The following DDRGK1 variants were observed in gnomAD, a reference collection of about 807,000 sequenced individuals.
DDRGK1 encodes the protein DDRGK domain-containing protein 1.
In DDRGK1, 38 loss-of-function variants were observed where a neutral mutation model predicts 45.8. That is an observed-to-expected ratio of 0.83 (90% CI 0.64 to 1.09). The LOEUF is 1.09. Among genes scored for constraint, DDRGK1 ranks in the 50% least tolerant of loss-of-function variants. DDRGK1 has a pLI of 0.00. For synonymous variants in DDRGK1, 171 were observed against 168.7 expected (o/e 1.01, Z -0.11); for missense variants, 403 against 419.9 (o/e 0.96, Z 0.35).
At chr20:3,201,909 G>A (rs969191880) in intron 2 of DDRGK1, among the ~76,000 whole-genome samples, 5 of 143,004 alleles carry the variant, frequency 3.5e-5, no homozygotes, top group South Asian at 2.3e-4. Context: ...TGATCCACCC[G>A]CCTCGGCCTC....
chr20:3,197,416 T>C (rs746282813), intron 4 of DDRGK1, among the ~76,000 whole-genome samples: 2 of 152,034 alleles, frequency 1.3e-5, no homozygotes, highest in Non-Finnish European at 2.9e-5. Context: ...CACATTACAG[T>C]GGAGAAAGCT....
At position 3,191,245 on chromosome 20, in the gene DDRGK1, G is replaced by C. The variant is rs769200812; in HGVS notation, c.730-7C>G. On this transcript the variant is annotated splice_polypyrimidine_tract_variant and splice_region_variant and intron_variant, in intron 7 of 8. Coordinates refer to ENST00000354488, the MANE Select transcript of DDRGK1 (RefSeq NM_023935.3). ...GGATGCGATTTATGGTGTCCTATGA[G>C]GAGAACAACTCTCAGAATAGAGATA... 2 of 1,613,960 alleles carry C rather than the reference G, an allele frequency of 1.2e-6. No individual in the cohort carries two copies. The highest frequency in any genetic ancestry group is 1.7e-6 in the Non-Finnish European group (2 of 1,179,992).
In DDRGK1 at chr20:3,200,066, C is replaced by T. The variant is rs61734539; in HGVS notation, c.445G>A (p.Glu149Lys). The T allele has an allele frequency of 1.8e-5, 29 of 1,613,806 alleles. No homozygotes were observed. The highest frequency in any genetic ancestry group is 1.5e-4 in the African/African-American group (11 of 74,922). Reference protein sequence around the residue: ...EAEREERKRLESQREAEWKKE... With the variant: ...EAEREERKRLKSQREAEWKKE... Reference sequence around the variant, plus strand: ...TTCCACTCAGCTTCGCGCTGGGACTCGAGTCGTTTCCGCTCCTCACGTTCA... The same window carrying T: ...TTCCACTCAGCTTCGCGCTGGGACTTGAGTCGTTTCCGCTCCTCACGTTCA... The change falls in exon 4 of 9, where the codon GAG (glutamate) becomes AAG (lysine). Residue 149 changes from glutamate (E) to lysine (K), a missense_variant. Coordinates refer to ENST00000354488, the MANE Select transcript of DDRGK1 (RefSeq NM_023935.3).
At chr20:3,192,786 C>T (rs773572798) in intron 6 of DDRGK1, among the ~76,000 whole-genome samples, 38 of 152,160 alleles carry the variant, frequency 2.5e-4, no homozygotes, top group Non-Finnish European at 4.1e-4. Context: ...AATCCTCCAC[C>T]GCAAATGAGC....
intron 6 of DDRGK1, among the ~76,000 whole-genome samples, chr20:3,192,346 C>T (rs866717897): frequency 1.3e-5 from 2 of 152,168 alleles, no homozygotes; most frequent in African/African-American, 4.8e-5. Flanking sequence ...AAGCCATAGT[C>T]CCCGCCCTGG....
chr20:3,203,524 C>T, intron 1 of DDRGK1, 108 bp from the exon 2 acceptor site: 2 of 1,373,030 alleles, frequency 1.5e-6, no homozygotes, highest in Non-Finnish European at 1.9e-6. Context: ...GGCCTGCTGC[C>T]CACAGCACAA....
At chr20:3,193,650 C>T (rs917330677) in intron 6 of DDRGK1, among the ~76,000 whole-genome samples, 2 of 152,132 alleles carry the variant, frequency 1.3e-5, no homozygotes, top group Non-Finnish European at 2.9e-5. Context: ...GGATTGCAGG[C>T]GTGAGCCACC....
At chr20:3,200,142 G>T (rs369946646) in intron 3 of DDRGK1, 40 bp from the exon 4 acceptor site, 10 of 1,535,818 alleles carry the variant, frequency 6.5e-6, no homozygotes, top group African/African-American at 1.4e-5. Flanking sequence ...CCTCACCCCC[G>T]GCTAGAGTGT....
Position 3,190,410 on chromosome 20 carries a change from C to T in DDRGK1, c.*243G>A, listed in dbSNP as rs968502058. ...ATTCATAATAAGAACAGGACTTCAC[C>T]AGCTTCCAAGGGACCCTCCCCACCT... On this transcript the variant is annotated 3_prime_UTR_variant, in exon 9 of 9. Coordinates refer to ENST00000354488, the MANE Select transcript of DDRGK1 (RefSeq NM_023935.3). 57 of 525,780 alleles carry T rather than the reference C, an allele frequency of 1.1e-4. No homozygotes were observed. Among genetic ancestry groups the T allele is most frequent in the African/African-American group, 9.6e-4 (50 of 52,128 alleles). 32.6% of individuals were successfully genotyped at this position (525,780 alleles called of 1,614,324 possible). A position where few individuals can be genotyped will look rare whatever the true frequency, so the allele number is the denominator to read the frequency against.
At chr20:3,191,857 G>A (rs2066990757) in intron 6 of DDRGK1, 36 bp from the exon 7 acceptor site, 1 of 1,584,352 alleles carries the variant, frequency 6.3e-7, no homozygotes, top group Non-Finnish European at 8.6e-7. Context: ...GAGAGGCTGA[G>A]CTTGGGCAAA....
chr20:3,201,959 G>A lies in DDRGK1; in HGVS notation c.295+1254C>T, dbSNP rs187094932. Reference sequence around the variant, plus strand: ...TTACAGGCGTGAGCCACCATGCCCAGCCCAGAGAGGGTTTTTTTTGTTTGT... The same window carrying A: ...TTACAGGCGTGAGCCACCATGCCCAACCCAGAGAGGGTTTTTTTTGTTTGT... On this transcript the variant is annotated intron_variant, in intron 2 of 8. Coordinates refer to ENST00000354488, the MANE Select transcript of DDRGK1 (RefSeq NM_023935.3). 9.7e-4 allele frequency among the ~76,000 whole-genome samples: 145 copies of A among 149,428 alleles called. 1 individual carries two copies. The highest frequency in any genetic ancestry group is 3.5e-3 in the African/African-American group (142 of 40,546).
At chr20:3,195,443 G>A in intron 4 of DDRGK1, 90 bp from the exon 5 acceptor site, 1 of 1,487,468 alleles carries the variant, frequency 6.7e-7, no homozygotes, top group Non-Finnish European at 8.9e-7. Flanking sequence ...GGACACCAGA[G>A]CATATAGCCC....
chr20:3,196,436 G>A (rs1488441469), intron 4 of DDRGK1, among the ~76,000 whole-genome samples: 1 of 152,074 alleles, frequency 6.6e-6, no homozygotes, highest in Non-Finnish European at 1.5e-5. Context: ...CCAGCACTTT[G>A]GGAGGCCAAG....
intron 1 of DDRGK1, 50 bp from the exon 2 acceptor site, chr20:3,203,466 C>A: frequency 6.9e-7 from 1 of 1,457,478 alleles, no homozygotes; most frequent in South Asian, 1.5e-5. Flanking sequence ...CAGCCCGGCC[C>A]ATGGCAGGAG....
At chr20:3,199,972 T>G in intron 4 of DDRGK1, 29 bp downstream of exon 4, 1 of 1,577,026 alleles carries the variant, frequency 6.3e-7, no homozygotes, top group Non-Finnish European at 8.6e-7. Context: ...TGGTCAAGGG[T>G]CAGAGGTCAG....
chr20:3,190,772 G>C lies in DDRGK1; in HGVS notation c.826C>G (p.Leu276Val), dbSNP rs1295833975. ...GKFIYITPEE[L>V]AAVANFIRQR... ...CGGATGAAGTTGGCCACGGCGGCCA[G>C]TTCCTCTGGGGTTATGTAGATGAAC... is the stretch of plus-strand genomic sequence containing the variant. The change falls in exon 9 of 9, where the codon CTG becomes GTG. Residue 276 changes from leucine (L) to valine (V), a missense_variant. Physicochemically the swap from Leu to Val is conservative, Grantham distance 32 (BLOSUM62 1). Transcript: ENST00000354488. The C allele has an allele frequency of 1.9e-6, 3 of 1,614,004 alleles. No homozygotes were observed. The highest frequency in any genetic ancestry group is 1.7e-5 in the Admixed American group (1 of 59,992).
rs1301205083 is a variant in DDRGK1 at position 3,195,242 on chromosome 20, T to C, written c.622A>G (p.Thr208Ala). 6.2e-7 allele frequency: 1 copy of C among 1,614,042 alleles called. No homozygotes were observed. Residue 208 changes from threonine (T) to alanine (A), a missense_variant, in exon 5 of 9, where the codon ACT (threonine) becomes GCT (alanine). By Grantham distance (58) the Thr-to-Ala change is moderately conservative (BLOSUM62 0). Transcript: ENST00000354488. ...GGCAGCAGGCCCACCTGTTCCTCAGTCATGGTCTCTCCTACGCCTTCCTCC... is the reference window on the plus strand; with the variant it reads ...GGCAGCAGGCCCACCTGTTCCTCAGCCATGGTCTCTCCTACGCCTTCCTCC... Reference protein sequence around the residue: ...VEEEGVGETMTEEQSQSFLTE... With the variant: ...VEEEGVGETMAEEQSQSFLTE...
At chr20:3,191,938 T>G (rs67249524) in intron 6 of DDRGK1, 117 bp from the exon 7 acceptor site, 284,781 of 894,598 alleles carry the variant, frequency 0.32, 47,372 homozygotes, top group South Asian at 0.43. Context: ...GGAAAAACAC[T>G]GTACACACTC....
At position 3,197,598 on chromosome 20, in the gene DDRGK1, T is replaced by C. The variant is rs1383040252; in HGVS notation, c.511-2245A>G. 2.0e-5 allele frequency among the ~76,000 whole-genome samples: 3 copies of C among 152,278 alleles called. No individual in the cohort carries two copies. The East Asian group carries it at 5.8e-4, about 29-fold the overall frequency. Reference sequence around the variant, plus strand: ...GAGAAAAACATCAACCAAACTCAAATTAAGGGACCTTCTACAAACTACTTG... The same window carrying C: ...GAGAAAAACATCAACCAAACTCAAACTAAGGGACCTTCTACAAACTACTTG... On this transcript the variant is annotated intron_variant, in intron 4 of 8. Coordinates refer to ENST00000354488, the MANE Select transcript of DDRGK1 (RefSeq NM_023935.3).
Sources: gnomAD v4.1 joint callset for allele counts (sites outside exome capture counted in the v4.1 genomes callset) on GRCh38, gnomAD v4.1.1 for gene constraint, MANE v1.5 for transcripts, NCBI Gene and HGNC (gene_info 2026-07-23, HGNC 2026-07-21) for gene names.